ZNHIT3: variants seen among roughly 807,000 people sequenced by gnomAD.
ZNHIT3 encodes zinc finger HIT-type containing 3.
In ZNHIT3, 27 loss-of-function variants were observed where a neutral mutation model predicts 19.9. That is an observed-to-expected ratio of 1.36 (90% CI 1.00 to 1.87). The LOEUF (loss-of-function observed/expected upper bound fraction) is 1.87, where lower values mean the gene tolerates loss of function less well. Ranked by LOEUF, ZNHIT3 falls within the 40% of genes most tolerant of loss-of-function variation. ZNHIT3 has a pLI of 0.00. For missense variants in ZNHIT3, 215 were observed against 185.6 expected (o/e 1.16, Z -0.92); for synonymous variants, 81 against 65.7 (o/e 1.23, Z -1.13).
intron 4 of ZNHIT3, among the ~76,000 whole-genome samples, chr17:36,494,901 TG>T (rs2070849625): frequency 1.3e-5 from 2 of 152,206 alleles, no homozygotes; most frequent in Admixed American, 6.5e-5. Flanking sequence ...TTTTCTTAGC[TG>T]AAGTGGCACG....
chr17:36,493,667 C>T (rs1411185438), intron 3 of ZNHIT3, among the ~76,000 whole-genome samples: 1 of 152,356 alleles, frequency 6.6e-6, no homozygotes, highest in South Asian at 2.1e-4. Context: ...CACAGGACCA[C>T]ATATACAGTA....
At chr17:36,494,653 T>G (rs757356451) in intron 4 of ZNHIT3, among the ~76,000 whole-genome samples, 1 of 152,212 alleles carries the variant, frequency 6.6e-6, no homozygotes, top group Non-Finnish European at 1.5e-5. Context: ...TAGACTGAGT[T>G]TGGAGATGAG....
rs1426948120 is a variant in ZNHIT3 at position 36,495,273 on chromosome 17, T to C, written c.337T>C (p.Leu113=). ...SLLLNPHLRQ[L]MVNLDQGEDK... ...ATTGCTCAATCCACACCTCAGGCAG[T>C]TGATGGTCAACCTCGATCAGGGAGA... is the stretch of plus-strand genomic sequence containing the variant. Residue 113 remains leucine (L), a synonymous_variant, in exon 5 of 5, where the codon TTG becomes CTG. Transcript: ENST00000617429. 7.4e-6 allele frequency: 12 copies of C among 1,612,800 alleles called. No homozygotes were observed. The African/African-American group carries it at 1.1e-4, about 14-fold the overall frequency.
downstream of ZNHIT3, among the ~76,000 whole-genome samples, chr17:36,497,421 A>G (rs528606925): frequency 3.3e-5 from 5 of 152,040 alleles, no homozygotes; most frequent in Non-Finnish European, 7.4e-5. Flanking sequence ...TGGGGAAAAC[A>G]TGGTGCCAAA....
chr17:36,495,573 G>A lies in ZNHIT3; in HGVS notation c.*169G>A, dbSNP rs565019551. Reference sequence around the variant, plus strand: ...CGGCATTGATGTGGCTCATGTTTCAGGCAGACTTGGGGTCCTTAAGGTGGC... The same window carrying A: ...CGGCATTGATGTGGCTCATGTTTCAAGCAGACTTGGGGTCCTTAAGGTGGC... On this transcript the variant is annotated 3_prime_UTR_variant, in exon 5 of 5. Transcript: ENST00000617429. 2.3e-6 allele frequency: 3 copies of A among 1,314,632 alleles called. No individual in the cohort carries two copies. Among genetic ancestry groups the A allele is most frequent in the Non-Finnish European group, 2.9e-6 (3 of 1,035,466 alleles). The allele number at this position is 1,314,632 out of a possible 1,614,324, so 81.4% of individuals were successfully genotyped here.
rs1188846487 is a variant in ZNHIT3, at chr17:36,493,964, G to A, written c.244G>A (p.Glu82Lys). The change falls in exon 4 of 5, where the codon GAG becomes AAG. Residue 82 changes from glutamate (E) to lysine (K), a missense_variant. Physicochemically the swap from Glu to Lys is moderately conservative, Grantham distance 56. Coordinates refer to ENST00000617429, the MANE Select transcript of ZNHIT3 (RefSeq NM_004773.4). ...TATAGCTGATTTTCTCAATAGTGAT[G>A]AGGAAGAAGACAGAGTTTCTTTGCA... ...DSIADFLNSD[E>K]EEDRVSLQNL... The A allele has an allele frequency of 3.1e-6, 5 of 1,613,722 alleles. No homozygotes were observed. The highest frequency in any genetic ancestry group is 4.2e-6 in the Non-Finnish European group (5 of 1,179,800).
intron 2 of ZNHIT3, chr17:36,489,368 ATGC>A (rs1395268814): frequency 6.6e-6 from 1 of 152,112 alleles, no homozygotes; most frequent in African/African-American, 2.4e-5. Flanking sequence ...AGGAACCTCT[ATGC>A]TGTTTTCCAT....
At chr17:36,486,884 G>A (rs751895914) in intron 1 of ZNHIT3, 51 bp from the exon 2 acceptor site, 2 of 1,592,554 alleles carry the variant, frequency 1.3e-6, no homozygotes, top group South Asian at 1.1e-5. Context: ...GGCTGCTGGA[G>A]GGGCCGGGGA....
chr17:36,497,340 A>G (rs2071082121), downstream of ZNHIT3, among the ~76,000 whole-genome samples: 1 of 150,978 alleles, frequency 6.6e-6, no homozygotes, highest in African/African-American at 2.4e-5. Context: ...AAAAACCCAC[A>G]GAGAACTTGG....
chr17:36,496,383 T>C, downstream of ZNHIT3: 4 of 1,614,006 alleles, frequency 2.5e-6, no homozygotes. Context: ...GTGGAGACTT[T>C]CTGCAGTGAA....
chr17:36,488,604 T>C (rs2070646462), intron 2 of ZNHIT3, among the ~76,000 whole-genome samples: 1 of 152,182 alleles, frequency 6.6e-6, no homozygotes, highest in African/African-American at 2.4e-5. Flanking sequence ...GCTCACTGAC[T>C]TAAAGGACTG....
chr17:36,492,024 G>A (rs764083312), intron 2 of ZNHIT3: 2 of 152,278 alleles, frequency 1.3e-5, no homozygotes, highest in East Asian at 3.8e-4. Flanking sequence ...ACCTGGCACA[G>A]TGCTCGGCAC....
At chr17:36,487,805 A>G (rs1284398458) in intron 2 of ZNHIT3, among the ~76,000 whole-genome samples, 2 of 140,802 alleles carry the variant, frequency 1.4e-5, no homozygotes, top group Non-Finnish European at 3.1e-5. Context: ...AAAAAAGAAA[A>G]AAAAAAGTTT....
At chr17:36,489,646 G>A (rs1263478924) in intron 2 of ZNHIT3, 1 of 139,170 alleles carries the variant, frequency 7.2e-6, no homozygotes, top group Admixed American at 7.3e-5. Flanking sequence ...TTTTCTTTTT[G>A]AGACAGAGTC....
chr17:36,498,833 T>G (rs1599196978), downstream of ZNHIT3: 1 of 593,358 alleles, frequency 1.7e-6, no homozygotes, highest in Non-Finnish European at 3.0e-6. Context: ...TCTTCTAAAG[T>G]GTACATCCCA....
chr17:36,493,057 T>C (rs1181702941), intron 3 of ZNHIT3, 158 bp downstream of exon 3: 1 of 681,990 alleles, frequency 1.5e-6, no homozygotes, highest in Non-Finnish European at 2.6e-6. Context: ...GGCCATGTCA[T>C]CATGGGTGAT....
chr17:36,493,055 C>T, intron 3 of ZNHIT3, 156 bp downstream of exon 3: 1 of 688,988 alleles, frequency 1.5e-6, no homozygotes, highest in East Asian at 2.7e-5. Flanking sequence ...GGGGCCATGT[C>T]ATCATGGGTG....
chr17:36,499,155 G>T, downstream of ZNHIT3: 1 of 1,602,818 alleles, frequency 6.2e-7, no homozygotes, highest in Non-Finnish European at 8.5e-7. Context: ...AACCAGGAAC[G>T]AATGGCTAAG....
intron 2 of ZNHIT3, 112 bp downstream of exon 2, chr17:36,487,078 G>A (rs973663859): frequency 7.0e-6 from 10 of 1,424,406 alleles, no homozygotes; most frequent in Admixed American, 4.6e-5. Flanking sequence ...CCCGCCTCGG[G>A]TCTCCGCGGG....
Sources: gnomAD v4.1 joint callset for allele counts (sites outside exome capture counted in the v4.1 genomes callset) on GRCh38, gnomAD v4.1.1 for gene constraint, MANE v1.5 for transcripts, NCBI Gene and HGNC (gene_info 2026-07-23, HGNC 2026-07-21) for gene names.